Variants in CAST observed in about 807,000 individuals in gnomAD.
The protein encoded by CAST is MIR583 host.
A neutral mutation model predicts 119.6 loss-of-function variants in CAST; 76 were observed. The ratio of observed to expected loss-of-function variants is 0.64; its 90% CI spans 0.53 to 0.77. CAST has a LOEUF of 0.77. Among genes scored for constraint, CAST ranks in the 30% least tolerant of loss-of-function variants. The pLI is 0.00. For missense variants in CAST, 953 were observed against 946.5 expected (o/e 1.01, Z -0.09); for synonymous variants, 319 against 331.6 (o/e 0.96, Z 0.41).
chr5:96,421,921 G>A, the CAST span: 1 of 1,572,078 alleles, frequency 6.4e-7, no homozygotes, highest in Non-Finnish European at 8.7e-7. Flanking sequence ...ATGGATCATG[G>A]TCATTATCAT....
At chr5:96,532,579 G>A (rs1248414073) in intron 1 of CAST, among the ~76,000 whole-genome samples, 4 of 152,168 alleles carry the variant, frequency 2.6e-5, no homozygotes, top group African/African-American at 4.8e-5. Context: ...GCCAGGCATC[G>A]TGGCCCACAC....
the CAST span, among the ~76,000 whole-genome samples, chr5:96,264,494 GT>G: frequency 1.3e-5 from 2 of 152,068 alleles, no homozygotes; most frequent in Non-Finnish European, 2.9e-5. Context: ...CAGGGTCTGA[GT>G]TTGTGGGAAT....
chr5:96,195,440 TGTTAA>T, the CAST span, among the ~76,000 whole-genome samples: 1 of 152,214 alleles, frequency 6.6e-6, no homozygotes, highest in African/African-American at 2.4e-5. Flanking sequence ...CAGGAAATTC[TGTTAA>T]GTTGTCTGTA....
At chr5:96,590,053 T>C (rs750015930) in intron 1 of CAST, among the ~76,000 whole-genome samples, 1 of 152,228 alleles carries the variant, frequency 6.6e-6, no homozygotes, top group Non-Finnish European at 1.5e-5. Context: ...TGTTTTATAC[T>C]GTTTCTGATG....
At chr5:96,746,817 A>G (rs1486966043) in intron 17 of CAST, among the ~76,000 whole-genome samples, 1 of 152,172 alleles carries the variant, frequency 6.6e-6, no homozygotes, top group African/African-American at 2.4e-5. Flanking sequence ...ATCCTAAGTG[A>G]AGGTGGTTTT....
At position 96,741,551 on chromosome 5, in the gene CAST, C is replaced by T; in HGVS notation, c.1069C>T (p.Pro357Ser). 6.2e-7 allele frequency: 1 copy of T among 1,613,374 alleles called. No homozygotes were observed. Among genetic ancestry groups the T allele is most frequent in the Non-Finnish European group, 8.5e-7 (1 of 1,179,354 alleles). ...SAGTVRSAAP[P>S]QEKKRKVEKD... ...AGGGACAGTCAGAAGTGCTGCTCCA[C>T]CCCAAGAGAAGAAAAGAAAGGTGGA... The change falls in exon 15 of 32, where the codon CCC becomes TCC. Residue 357 changes from proline (P) to serine (S), a missense_variant. Transcript: ENST00000675179.
chr5:96,299,249 AAACAACAACAACAACAACAAC>A, the CAST span, among the ~76,000 whole-genome samples: 10 of 149,400 alleles, frequency 6.7e-5, no homozygotes, highest in East Asian at 2.0e-4. Flanking sequence ...CTCAGTCTCA[AAACAACAACAACAACAACAAC>A]AACAACAACA....
chr5:96,572,943 T>A (rs144788445), intron 1 of CAST, among the ~76,000 whole-genome samples: 49 of 152,304 alleles, frequency 3.2e-4, no homozygotes, highest in Non-Finnish European at 5.9e-4. Context: ...GAAGGTTAAG[T>A]GAGTAACAAG....
At chr5:96,425,286 G>A in the CAST span, among the ~76,000 whole-genome samples, 52 of 152,290 alleles carry the variant, frequency 3.4e-4, no homozygotes, top group South Asian at 0.01. Flanking sequence ...CAATTTCTTC[G>A]CTCAAGGATT....
intron 1 of CAST, among the ~76,000 whole-genome samples, chr5:96,542,000 T>A (rs1408912906): frequency 1.3e-5 from 2 of 152,282 alleles, no homozygotes; most frequent in East Asian, 1.9e-4. Context: ...AATTGCGGGA[T>A]CATATGTTAA....
the CAST span, among the ~76,000 whole-genome samples, chr5:96,118,153 A>G: frequency 1.3e-5 from 2 of 152,204 alleles, no homozygotes. Flanking sequence ...CCAAGTTCCA[A>G]TTCAGACTTA....
chr5:96,533,313 G>A lies in CAST; in HGVS notation c.60+3433G>A, dbSNP rs148530724. On this transcript the variant is annotated intron_variant, in intron 1 of 11. Coordinates refer to the CAST transcript ENST00000505143. ...ACCTGGAATCCTGAAAGCAACAGCT[G>A]TAATGCAGAACTACCAAGGAAAATC... Among the ~76,000 whole-genome samples the A allele has an allele frequency of 5.9e-3, 900 of 152,242 alleles. 6 individuals carry two copies. The highest frequency in any genetic ancestry group is 0.021 in the African/African-American group (859 of 41,536).
chr5:96,587,895 G>C (rs186313248), intron 1 of CAST, among the ~76,000 whole-genome samples: 1 of 152,182 alleles, frequency 6.6e-6, no homozygotes, highest in East Asian at 1.9e-4. Flanking sequence ...ATTAACTGTG[G>C]TCTTTCTTAA....
chr5:96,310,441 C>T, the CAST span, among the ~76,000 whole-genome samples: 3 of 152,094 alleles, frequency 2.0e-5, no homozygotes, highest in Non-Finnish European at 4.4e-5. Context: ...CCATGCTAGC[C>T]TCATAAATAG....
intron 1 of CAST, among the ~76,000 whole-genome samples, chr5:96,650,722 A>G (rs1223105283): frequency 8.1e-6 from 1 of 123,020 alleles, no homozygotes; most frequent in African/African-American, 3.1e-5. Context: ...CCTCTTACCC[A>G]CTTAATTGTG....
intron 3 of CAST, among the ~76,000 whole-genome samples, chr5:96,704,682 G>T (rs1754577881): frequency 6.6e-6 from 1 of 152,102 alleles, no homozygotes; most frequent in African/African-American, 2.4e-5. Context: ...TCAATTTGGA[G>T]ATCATACGAA....
intron 1 of CAST, among the ~76,000 whole-genome samples, chr5:96,623,863 T>C (rs75569339): frequency 7.2e-6 from 1 of 138,008 alleles, no homozygotes; most frequent in Admixed American, 7.0e-5. Flanking sequence ...CACCTGGCTA[T>C]TTTTTTTTTA....
chr5:95,975,902 C>T, the CAST span, among the ~76,000 whole-genome samples: 1,075 of 152,166 alleles, frequency 7.1e-3, 13 homozygotes, highest in African/African-American at 0.024. Context: ...AGTAATTGGT[C>T]CCCTGACGAT....
In CAST at chr5:96,649,374, GTTC is replaced by G. The variant is rs1169320351; in HGVS notation, c.61-26160_61-26158del. ...TTTTCTTTTAATAAGCAGGGTTAAA[GTTC>G]TTCTCTCATGAAAGAATTTTGCTAT... On this transcript the variant is annotated intron_variant, in intron 1 of 11. Coordinates refer to the CAST transcript ENST00000505143. Among the ~76,000 whole-genome samples the G allele has an allele frequency of 7.9e-5, 12 of 152,174 alleles. 1 individual carries two copies. The highest frequency in any genetic ancestry group is 7.2e-4 in the Admixed American group (11 of 15,280).
Sources: gnomAD v4.1 joint callset for allele counts (sites outside exome capture counted in the v4.1 genomes callset) on GRCh38, gnomAD v4.1.1 for gene constraint, MANE v1.5 for transcripts, NCBI Gene and HGNC (gene_info 2026-07-23, HGNC 2026-07-21) for gene names.